The following STAP1 variants were observed in gnomAD, a reference collection of about 807,000 sequenced individuals.
STAP1 encodes the protein signal transducing adaptor family member 1.
STAP1 carries 30 observed loss-of-function variants against 37.8 expected under a neutral mutation model. That is an observed-to-expected ratio of 0.79 (90% CI 0.59 to 1.08). The LOEUF (loss-of-function observed/expected upper bound fraction) is 1.08, where lower values mean the gene tolerates loss of function less well. Among genes scored for constraint, STAP1 ranks in the 50% least tolerant of loss-of-function variants. STAP1 has a pLI of 0.00. For missense variants in STAP1, 357 were observed against 349.4 expected (o/e 1.02, Z -0.17); for synonymous variants, 130 against 116.0 (o/e 1.12, Z -0.78).
intron 8 of STAP1, among the ~76,000 whole-genome samples, chr4:67,595,372 CAAAAAAAAAAAA>C (rs34185676): frequency 0.34 from 30,183 of 88,538 alleles, 3,820 homozygotes; most frequent in South Asian, 0.45. Context: ...TTCGTTTCTA[CAAAAAAAAAAAA>C]AAAAAAAAAA....
chr4:67,590,977 TTGA>T (rs1728108508), intron 7 of STAP1, 24 bp downstream of exon 7: 1 of 1,586,416 alleles, frequency 6.3e-7, no homozygotes, highest in Non-Finnish European at 8.6e-7. Context: ...TTTGTTGTTG[TTGA>T]TGAACTTCCT....
intron 2 of STAP1, among the ~76,000 whole-genome samples, chr4:67,572,720 A>C (rs1409401894): frequency 6.6e-6 from 1 of 152,234 alleles, no homozygotes; most frequent in East Asian, 1.9e-4. Context: ...AGTACATGTA[A>C]GGACCTAAGA....
At chr4:67,560,720 A>G (rs1727317346) in intron 1 of STAP1, among the ~76,000 whole-genome samples, 1 of 151,388 alleles carries the variant, frequency 6.6e-6, no homozygotes, top group Non-Finnish European at 1.5e-5. Flanking sequence ...TGGTGCAATC[A>G]CTAGTCATGC....
chr4:67,588,572 G>C (rs1165572680), intron 6 of STAP1, among the ~76,000 whole-genome samples: 1 of 152,028 alleles, frequency 6.6e-6, no homozygotes, highest in Non-Finnish European at 1.5e-5. Context: ...ACCACGCCCG[G>C]CTAATTTTTT....
intron 5 of STAP1, among the ~76,000 whole-genome samples, chr4:67,581,793 T>A (rs1262736749): frequency 6.6e-6 from 1 of 152,208 alleles, no homozygotes; most frequent in Non-Finnish European, 1.5e-5. Context: ...CTATGCAAAC[T>A]CTATGATTGA....
At chr4:67,593,027 A>G (rs1374213696) in intron 7 of STAP1, among the ~76,000 whole-genome samples, 2 of 152,132 alleles carry the variant, frequency 1.3e-5, no homozygotes, top group Non-Finnish European at 2.9e-5. Context: ...GTACCTAACT[A>G]TTGTCTACCA....
At chr4:67,589,673 A>G (rs993029039) in intron 6 of STAP1, among the ~76,000 whole-genome samples, 3 of 152,218 alleles carry the variant, frequency 2.0e-5, no homozygotes, top group African/African-American at 7.2e-5. Context: ...TCATCCTAAC[A>G]TGCTTGCCGT....
chr4:67,589,532 C>T (rs1728076904), intron 6 of STAP1, among the ~76,000 whole-genome samples: 1 of 152,150 alleles, frequency 6.6e-6, no homozygotes, highest in Non-Finnish European at 1.5e-5. Flanking sequence ...AGACCCTGTG[C>T]CTAGCTTAAC....
At chr4:67,584,238 G>T (rs1475466627) in intron 6 of STAP1, among the ~76,000 whole-genome samples, 1 of 151,960 alleles carries the variant, frequency 6.6e-6, no homozygotes, top group African/African-American at 2.4e-5. Context: ...TAGTTGCATT[G>T]TTCATTCATT....
intron 3 of STAP1, 130 bp downstream of exon 3, chr4:67,575,628 G>A: frequency 1.5e-6 from 1 of 687,698 alleles, no homozygotes; most frequent in African/African-American, 1.9e-5. Flanking sequence ...TTTTGCTTGC[G>A]TCTGGCCAAG....
intron 1 of STAP1, among the ~76,000 whole-genome samples, chr4:67,565,975 G>GTC (rs1560455668): frequency 9.4e-6 from 1 of 105,966 alleles, no homozygotes; most frequent in Admixed American, 1.4e-4. Context: ...ACGAGACAGA[G>GTC]TCTTTCTCTG....
chr4:67,596,698 C>T (rs984696705), intron 8 of STAP1, among the ~76,000 whole-genome samples: 1 of 152,164 alleles, frequency 6.6e-6, no homozygotes, highest in African/African-American at 2.4e-5. Context: ...TGGCATTTTG[C>T]CCCATCCTAG....
intron 6 of STAP1, among the ~76,000 whole-genome samples, chr4:67,587,976 G>A (rs760986833): frequency 2.9e-5 from 4 of 139,176 alleles, no homozygotes; most frequent in South Asian, 2.3e-4. Flanking sequence ...CGCCCATCTC[G>A]GCCTCCCAAA....
intron 8 of STAP1, among the ~76,000 whole-genome samples, chr4:67,602,605 T>C (rs1458722160): frequency 6.6e-6 from 1 of 152,188 alleles, no homozygotes; most frequent in East Asian, 1.9e-4. Flanking sequence ...TGAAGACTTG[T>C]AGAGTACTGC....
intron 1 of STAP1, among the ~76,000 whole-genome samples, chr4:67,560,737 G>C (rs969774278): frequency 5.3e-5 from 8 of 151,924 alleles, no homozygotes; most frequent in African/African-American, 1.9e-4. Flanking sequence ...ATGCAGCCTT[G>C]ACATCCCCGG....
At chr4:67,575,519 G>T (rs775292557) in intron 3 of STAP1, 21 bp downstream of exon 3, 2 of 1,530,132 alleles carry the variant, frequency 1.3e-6, no homozygotes, top group Admixed American at 3.5e-5. Context: ...AGAAACAGTA[G>T]TCTGTAAAGG....
At chr4:67,604,857 T>C (rs1217084690) in intron 8 of STAP1, among the ~76,000 whole-genome samples, 1 of 151,866 alleles carries the variant, frequency 6.6e-6, no homozygotes, top group African/African-American at 2.4e-5. Flanking sequence ...CCAATATTGG[T>C]TCAGTTTTCA....
At chr4:67,600,933 CTA>C (rs1416982798) in intron 8 of STAP1, among the ~76,000 whole-genome samples, 1 of 152,062 alleles carries the variant, frequency 6.6e-6, no homozygotes, top group African/African-American at 2.4e-5. Flanking sequence ...TTCAGCCACT[CTA>C]TATCTTTTGA....
intron 8 of STAP1, among the ~76,000 whole-genome samples, chr4:67,595,717 C>T (rs973775280): frequency 6.6e-6 from 1 of 152,032 alleles, no homozygotes; most frequent in African/African-American, 2.4e-5. Context: ...TTGTTCTTTG[C>T]TCTTTTCTTT....
Sources: allele counts gnomAD v4.1 joint callset (sites outside exome capture counted in the v4.1 genomes callset), GRCh38; gene constraint gnomAD v4.1.1; transcripts MANE v1.5; gene names NCBI Gene and HGNC (gene_info 2026-07-23, HGNC 2026-07-21).